The following PDE4B variants were observed in gnomAD, a reference collection of about 807,000 sequenced individuals.
PDE4B encodes phosphodiesterase 4B.
PDE4B carries 20 observed loss-of-function variants against 82.2 expected under a neutral mutation model. The observed-to-expected ratio is 0.24, with a 90% CI of 0.17 to 0.35. The LOEUF is 0.35. Among genes scored for constraint, PDE4B ranks in the 10% least tolerant of loss-of-function variants. The pLI, the probability that PDE4B is intolerant of heterozygous loss-of-function variation, is 1.00. For missense variants in PDE4B, 655 were observed against 907.2 expected (o/e 0.72, Z 3.57); for synonymous variants, 320 against 318.9 (o/e 1.00, Z -0.04).
intron 8 of PDE4B, 98 bp downstream of exon 8, chr1:66,332,718 C>A: frequency 2.2e-6 from 2 of 894,604 alleles, no homozygotes; most frequent in Non-Finnish European, 3.4e-6. Context: ...GGAATGCTAC[C>A]AACTCTAAGA....
intron 13 of PDE4B, 84 bp from the exon 14 acceptor site, chr1:66,367,612 T>G: frequency 9.0e-7 from 1 of 1,116,708 alleles, no homozygotes; most frequent in Admixed American, 2.2e-5. Flanking sequence ...TGGAGAGAAC[T>G]AGGTCTGATT....
intron 3 of PDE4B, among the ~76,000 whole-genome samples, chr1:66,149,794 A>C (rs139373860): frequency 3.1e-4 from 47 of 152,350 alleles, no homozygotes; most frequent in African/African-American, 1.1e-3. Flanking sequence ...TTGAGGATGC[A>C]GTAAGCTATG....
In PDE4B at chr1:66,315,039, T is replaced by C. The variant is rs17128785; in HGVS notation, c.635-17469T>C. ...CTGTGTCTTTCACTCTCGTACTTAC[T>C]GGGACCTACTGTTAAGTCCAGGCTC... is the stretch of plus-strand genomic sequence containing the variant. On this transcript the variant is annotated intron_variant, in intron 7 of 16. Coordinates refer to ENST00000341517, the MANE Select transcript of PDE4B (RefSeq NM_002600.4). Among the ~76,000 whole-genome samples, 394 of 152,360 alleles carry C rather than the reference T, an allele frequency of 2.6e-3. 1 individual carries two copies. The highest frequency in any genetic ancestry group is 8.8e-3 in the African/African-American group (364 of 41,586).
chr1:66,372,662 C>T lies in PDE4B; in HGVS notation c.2195C>T (p.Ser732Phe). 1 of 1,612,420 alleles carries T rather than the reference C, an allele frequency of 6.2e-7. No individual in the cohort carries two copies. Among genetic ancestry groups the T allele is most frequent in the Non-Finnish European group, 8.5e-7 (1 of 1,178,870 alleles). The change falls in exon 17 of 17, where the codon TCC (serine) becomes TTC (phenylalanine). Residue 732 changes from serine to phenylalanine, a missense_variant. Physicochemically the swap from Ser to Phe is radical, Grantham distance 155. This residue lies in a region of PDE4B where 119 missense variants were observed against 115.2 expected (regional missense o/e 1.03). Coordinates refer to ENST00000341517, the MANE Select transcript of PDE4B (RefSeq NM_002600.4). ...ATAGACATTGCAACAGAAGACAAGT[C>T]CCCCGTGGATACATAATCCCCCTCT... ...TDIDIATEDK[S>F]PVDT is the part of the protein sequence containing the mutation.
chr1:65,864,907 C>A (rs1458376528), intron 1 of PDE4B, among the ~76,000 whole-genome samples: 1 of 152,178 alleles, frequency 6.6e-6, no homozygotes, highest in Admixed American at 6.5e-5. Context: ...TGGGAGAATC[C>A]ACCTCATCAG....
intron 8 of PDE4B, among the ~76,000 whole-genome samples, chr1:66,343,373 A>T (rs1417785027): frequency 2.0e-5 from 3 of 152,170 alleles, no homozygotes; most frequent in Non-Finnish European, 1.5e-5. Context: ...CCTTGGCTCA[A>T]ACATGTCATC....
At chr1:65,944,049 C>T (rs757875204) in intron 3 of PDE4B, among the ~76,000 whole-genome samples, 1 of 151,964 alleles carries the variant, frequency 6.6e-6, no homozygotes, top group East Asian at 1.9e-4. Flanking sequence ...TGAGAGTGGG[C>T]ATCATTGTCG....
intron 3 of PDE4B, among the ~76,000 whole-genome samples, chr1:66,111,325 A>G (rs1645480766): frequency 1.3e-5 from 2 of 152,142 alleles, no homozygotes; most frequent in Non-Finnish European, 1.5e-5. Flanking sequence ...CATTAAGTAC[A>G]TTAACACTGT....
At chr1:66,226,218 C>A (rs1209773292) in intron 3 of PDE4B, among the ~76,000 whole-genome samples, 1 of 152,112 alleles carries the variant, frequency 6.6e-6, no homozygotes, top group East Asian at 1.9e-4. Flanking sequence ...CTTGTCTGAC[C>A]AGTTTTATTT....
At chr1:66,031,148 CA>C (rs1364248272) in intron 3 of PDE4B, among the ~76,000 whole-genome samples, 2 of 151,928 alleles carry the variant, frequency 1.3e-5, no homozygotes, top group East Asian at 1.9e-4. Context: ...ATAAATTGTA[CA>C]AAAAAACCCT....
At chr1:65,913,128 A>T in intron 1 of PDE4B, 117 bp from the exon 2 acceptor site, 1 of 457,902 alleles carries the variant, frequency 2.2e-6, no homozygotes. Context: ...GGAAATTATG[A>T]TGTTTGCTTT....
chr1:66,366,980 A>T (rs1396886584), intron 13 of PDE4B, among the ~76,000 whole-genome samples: 1 of 152,232 alleles, frequency 6.6e-6, no homozygotes, highest in African/African-American at 2.4e-5. Flanking sequence ...TGGTTTCATA[A>T]GTCTGATGAC....
At chr1:65,909,813 A>G (rs866553950) in intron 1 of PDE4B, among the ~76,000 whole-genome samples, 13 of 152,214 alleles carry the variant, frequency 8.5e-5, no homozygotes, top group African/African-American at 2.4e-4. Context: ...AATATGAGGC[A>G]TTTAAAAACT....
chr1:66,265,113 C>T (rs1654939949), intron 6 of PDE4B, among the ~76,000 whole-genome samples: 1 of 152,222 alleles, frequency 6.6e-6, no homozygotes, highest in African/African-American at 2.4e-5. Context: ...ATCAGCACCA[C>T]TTGGGAACTT....
chr1:65,859,807 G>A (rs1646433863), intron 1 of PDE4B, among the ~76,000 whole-genome samples: 1 of 152,126 alleles, frequency 6.6e-6, no homozygotes, highest in South Asian at 2.1e-4. Flanking sequence ...AATTAATGAA[G>A]TTAAATTAAT....
chr1:66,134,678 T>C (rs1570314999), intron 3 of PDE4B, among the ~76,000 whole-genome samples: 1 of 152,332 alleles, frequency 6.6e-6, no homozygotes, highest in Middle Eastern at 3.4e-3. Context: ...GTGAAAAATA[T>C]CTAATGCACG....
intron 3 of PDE4B, among the ~76,000 whole-genome samples, chr1:66,098,300 T>G (rs1645156163): frequency 6.6e-6 from 1 of 152,136 alleles, no homozygotes. Context: ...GATCTCTACC[T>G]TAACTCAGAA....
At chr1:66,276,690 A>G (rs1477721564) in intron 7 of PDE4B, among the ~76,000 whole-genome samples, 4 of 152,318 alleles carry the variant, frequency 2.6e-5, no homozygotes, top group East Asian at 3.9e-4. Flanking sequence ...TATACAAGGC[A>G]CTGTGTTAGC....
chr1:66,219,668 A>G (rs904800294), intron 3 of PDE4B, among the ~76,000 whole-genome samples: 2 of 152,208 alleles, frequency 1.3e-5, no homozygotes, highest in Non-Finnish European at 2.9e-5. Flanking sequence ...TCACCTGGCC[A>G]ACACAGAGTT....
Sources: allele counts gnomAD v4.1 joint callset (sites outside exome capture counted in the v4.1 genomes callset), GRCh38; gene constraint gnomAD v4.1.1; regional missense constraint gnomAD v4.1.1; transcripts MANE v1.5; gene names NCBI Gene and HGNC (gene_info 2026-07-23, HGNC 2026-07-21).